Variants in C2 observed in about 807,000 individuals in gnomAD.
C2 encodes C3/C5 convertase.
A neutral mutation model predicts 85.2 loss-of-function variants in C2; 64 were observed. That is an observed-to-expected ratio of 0.75 (90% CI 0.61 to 0.92). C2 has a LOEUF of 0.92. Among genes scored for constraint, C2 ranks in the 40% least tolerant of loss-of-function variants. C2 has a pLI of 0.00. For synonymous variants in C2, 311 were observed against 370.8 expected (o/e 0.84, Z 1.85); for missense variants, 820 against 971.6 (o/e 0.84, Z 2.07).
At chr6:31,924,360 G>A (rs1257444942), upstream of C2, among the ~76,000 whole-genome samples, 1 of 152,206 alleles carries the variant, frequency 6.6e-6, no homozygotes, top group Non-Finnish European at 1.5e-5. Flanking sequence ...CTACAGGATT[G>A]GAGAGCAGGG....
chr6:31,944,953 C>G lies in C2; in HGVS notation c.2030-27C>G, dbSNP rs1582126250. The G allele has an allele frequency of 6.2e-7, 1 of 1,612,988 alleles. No homozygotes were observed. Among genetic ancestry groups the G allele is most frequent in the East Asian group, 2.2e-5 (1 of 44,886 alleles). ...CACCAGTCCACTGCCCTAGATGACA[C>G]TGTCTCCTGTCACCCTTTGCTGGCA... On this transcript the variant is annotated intron_variant, in intron 16 of 17. Transcript: ENST00000299367. The surrounding 1 kb of genome is among the most constrained non-coding windows in gnomAD (Gnocchi z 5.1).
upstream of C2, chr6:31,927,457 T>C (rs757866086): frequency 4.7e-5 from 65 of 1,392,034 alleles, no homozygotes; most frequent in Non-Finnish European, 6.1e-5. The surrounding 1 kb of genome is among the most constrained non-coding windows in gnomAD (Gnocchi z 4.7). Flanking sequence ...ATGGTGCACA[T>C]GTGCACGCAT....
chr6:31,942,000 T>C (rs1173953630), intron 9 of C2, among the ~76,000 whole-genome samples: 1 of 151,694 alleles, frequency 6.6e-6, no homozygotes, highest in African/African-American at 2.4e-5. Context: ...GTATTTTTAG[T>C]AGAGACAGGG....
intron 7 of C2, chr6:31,936,321 T>C: frequency 2.0e-6 from 1 of 507,534 alleles, no homozygotes; most frequent in Admixed American, 3.1e-5. Flanking sequence ...AACCACACTG[T>C]CTGGTTTGCA....
upstream of C2, chr6:31,900,199 G>A: frequency 6.2e-7 from 1 of 1,614,206 alleles, no homozygotes; most frequent in Non-Finnish European, 8.5e-7. The surrounding 1 kb of genome is among the most constrained non-coding windows in gnomAD (Gnocchi z 9.7). Flanking sequence ...TGCTGCTGTG[G>A]TTGAACTGCT....
chr6:31,944,067 TC>T lies in C2; in HGVS notation c.1811-64del. 1 of 1,588,110 alleles carries T rather than the reference TC, an allele frequency of 6.3e-7. No homozygotes were observed. The highest frequency in any genetic ancestry group is 8.6e-7 in the Non-Finnish European group (1 of 1,157,482). On this transcript the variant is annotated intron_variant, in intron 14 of 17. Coordinates refer to ENST00000299367, the MANE Select transcript of C2 (RefSeq NM_000063.6). This position sits in a 1 kb window ranked among gnomAD's most constrained non-coding sequence, Gnocchi z 5.1. ...GGTGATAACAAGGACTAGGCTGCAGTCCCCAAGCCAGGAACCTGGATTCTGG... is the reference window on the plus strand; with the variant it reads ...GGTGATAACAAGGACTAGGCTGCAGTCCCAAGCCAGGAACCTGGATTCTGG...
At chr6:31,931,656 T>C (rs1300049920) in intron 3 of C2, among the ~76,000 whole-genome samples, 2 of 151,936 alleles carry the variant, frequency 1.3e-5, no homozygotes, top group Non-Finnish European at 2.9e-5. Context: ...GTCTCCCAGG[T>C]CTACCTCTTT....
rs1272143472 is a variant in C2, at chr6:31,921,509, C to T, written c.-100+1483C>T. ...GGGGCTGGGGTAGACTTCAGGGATGCGCAAGGAGCTCCCAGCAGTCACTAA... is the reference window on the plus strand; with the variant it reads ...GGGGCTGGGGTAGACTTCAGGGATGTGCAAGGAGCTCCCAGCAGTCACTAA... On this transcript the variant is annotated intron_variant, in intron 1 of 3. Transcript: ENST00000413154. The surrounding 1 kb of genome is among the most constrained non-coding windows in gnomAD (Gnocchi z 4.6). 3.9e-5 allele frequency among the ~76,000 whole-genome samples: 6 copies of T among 152,026 alleles called. No individual in the cohort carries two copies. The highest frequency in any genetic ancestry group is 8.8e-5 in the Non-Finnish European group (6 of 67,988).
rs796501718 is a variant in C2, at chr6:31,921,058, G to T, written c.-100+1032G>T. On this transcript the variant is annotated intron_variant, in intron 1 of 3. Transcript: ENST00000413154. This position sits in a 1 kb window ranked among gnomAD's most constrained non-coding sequence, Gnocchi z 4.6. Reference sequence around the variant, plus strand: ...TAGTTGGGCAATCACTTCAAAGTTAGTAGGCAGTGCCTGCTAGGATGGGGG... The same window carrying T: ...TAGTTGGGCAATCACTTCAAAGTTATTAGGCAGTGCCTGCTAGGATGGGGG... Among the ~76,000 whole-genome samples, 6 of 152,318 alleles carry T rather than the reference G, an allele frequency of 3.9e-5. No individual in the cohort carries two copies. Among genetic ancestry groups the T allele is most frequent in the African/African-American group, 1.2e-4 (5 of 41,564 alleles).
intron 3 of C2, among the ~76,000 whole-genome samples, chr6:31,933,348 G>GAA (rs1770084371): frequency 6.6e-6 from 1 of 152,220 alleles, no homozygotes; most frequent in South Asian, 2.1e-4. Context: ...CCAACACTTG[G>GAA]AATTACCTGT....
At chr6:31,938,150 T>G (rs1770572429) in intron 8 of C2, among the ~76,000 whole-genome samples, 1 of 152,162 alleles carries the variant, frequency 6.6e-6, no homozygotes, top group Non-Finnish European at 1.5e-5. Context: ...TGTGTGAAAG[T>G]GCTCTGTGTT....
intron 7 of C2, 144 bp downstream of exon 7, chr6:31,936,205 C>T: frequency 1.2e-6 from 1 of 859,722 alleles, no homozygotes; most frequent in South Asian, 1.5e-5. Context: ...GTTTCAACGT[C>T]CAGGGTTATG....
upstream of C2, among the ~76,000 whole-genome samples, chr6:31,915,806 C>T (rs1768462483): frequency 6.6e-6 from 1 of 152,200 alleles, no homozygotes; most frequent in Admixed American, 6.5e-5. Context: ...CTTGCAGTGG[C>T]CTAACTTCAG....
upstream of C2, among the ~76,000 whole-genome samples, chr6:31,925,025 T>C (rs1337346773): frequency 5.9e-5 from 9 of 152,152 alleles, no homozygotes; most frequent in African/African-American, 1.9e-4. Flanking sequence ...TCAGAAGTTG[T>C]CCTGAGACTG....
intron 1 of C2, among the ~76,000 whole-genome samples, chr6:31,910,090 AG>A (rs1200651247): frequency 6.6e-6 from 1 of 150,956 alleles, no homozygotes; most frequent in Non-Finnish European, 1.5e-5. Context: ...CATATTGGCC[AG>A]GCTGGTCTCG....
At chr6:31,936,485 G>A in intron 7 of C2, 1 of 235,774 alleles carries the variant, frequency 4.2e-6, no homozygotes, top group South Asian at 6.0e-5. Context: ...TTGGGGTTAT[G>A]CAATGAACAT....
In C2 at chr6:31,927,752, C is replaced by G. The variant is rs1469301406; in HGVS notation, c.-1C>G. On this transcript the variant is annotated 5_prime_UTR_variant, in exon 1 of 18. Transcript: ENST00000299367. This position sits in a 1 kb window ranked among gnomAD's most constrained non-coding sequence, Gnocchi z 4.7. ...CTCTCGCCGCCCCTAGGGAGGACAC[C>G]ATGGGCCCACTGATGGTTCTTTTTT... is the stretch of plus-strand genomic sequence containing the variant. 1.2e-6 allele frequency: 2 copies of G among 1,613,254 alleles called. No individual in the cohort carries two copies. Among genetic ancestry groups the G allele is most frequent in the Admixed American group, 1.7e-5 (1 of 60,028 alleles).
At chr6:31,932,999 G>A (rs534833807) in intron 3 of C2, among the ~76,000 whole-genome samples, 4 of 152,346 alleles carry the variant, frequency 2.6e-5, no homozygotes, top group South Asian at 4.1e-4. Flanking sequence ...GCCTGCAATC[G>A]CAGGCACTCG....
chr6:31,945,195 G>C lies in C2; in HGVS notation c.2097G>C (p.Trp699Cys), dbSNP rs754270238. Residue 699 changes from tryptophan to cysteine, a missense_variant, in exon 18 of 18, where the codon TGG becomes TGC. Coordinates refer to ENST00000299367, the MANE Select transcript of C2 (RefSeq NM_000063.6). The surrounding 1 kb of genome is among the most constrained non-coding windows in gnomAD (Gnocchi z 5.3). ...FRFFQVGLVS[W>C]GLYNPCLGSA... ...TTCTCCAGGTGGGTCTGGTGAGCTG[G>C]GGTCTTTACAACCCCTGCCTTGGCT... 8 of 1,612,734 alleles carry C rather than the reference G, an allele frequency of 5.0e-6. No homozygotes were observed. In the East Asian group the frequency reaches 1.8e-4, roughly 36 times the overall value.
Sources: allele counts gnomAD v4.1 joint callset (sites outside exome capture counted in the v4.1 genomes callset), GRCh38; gene constraint gnomAD v4.1.1; non-coding constraint Gnocchi (gnomAD v3.1); transcripts MANE v1.5; gene names NCBI Gene and HGNC (gene_info 2026-07-23, HGNC 2026-07-21).